The following AGAP4 variants were observed in gnomAD, a reference collection of about 807,000 sequenced individuals.
AGAP4 encodes ArfGAP with GTPase domain, ankyrin repeat and PH domain 4.
Under a neutral mutation model 60.7 loss-of-function variants are expected in AGAP4, and 13 were observed. The observed-to-expected ratio is 0.21, with a 90% confidence interval of 0.14 to 0.34. The LOEUF (loss-of-function observed/expected upper bound fraction) is 0.34, where lower values mean the gene tolerates loss of function less well. Ranked by LOEUF, AGAP4 falls within the 10% of genes least tolerant of loss-of-function variation. The pLI, the probability that AGAP4 is intolerant of heterozygous loss-of-function variation, is 1.00. For missense variants in AGAP4, 169 were observed against 884.0 expected (o/e 0.19, Z 10.26); for synonymous variants, 70 against 339.0 (o/e 0.21, Z 8.72).
chr10:45,837,629 T>G (rs2058842802), intron 4 of AGAP4, among the ~76,000 whole-genome samples: 1 of 151,910 alleles, frequency 6.6e-6, no homozygotes, highest in Non-Finnish European at 1.5e-5. Flanking sequence ...AGGTAAACCC[T>G]ATTCAACAAA....
intron 2 of AGAP4, among the ~76,000 whole-genome samples, chr10:45,844,812 A>G (rs1240326121): frequency 2.4e-4 from 35 of 146,224 alleles, no homozygotes; most frequent in Admixed American, 6.2e-4. Context: ...AGTTTTTAAA[A>G]TTTTTAAAAA....
At chr10:45,845,977 T>C (rs1284978408) in intron 2 of AGAP4, among the ~76,000 whole-genome samples, 4 of 105,380 alleles carry the variant, frequency 3.8e-5, no homozygotes, top group South Asian at 4.6e-4. Flanking sequence ...GGGGGAGCCA[T>C]GGCAACAAAC....
At chr10:45,844,641 A>T in intron 2 of AGAP4, 1 of 353,694 alleles carries the variant, frequency 2.8e-6, no homozygotes, top group South Asian at 7.2e-5. Context: ...CAGCATGAGT[A>T]ACATAATGAC....
At chr10:45,829,961 G>A (rs78708907) in intron 6 of AGAP4, among the ~76,000 whole-genome samples, 2 of 146,436 alleles carry the variant, frequency 1.4e-5, no homozygotes, top group Non-Finnish European at 3.0e-5. Flanking sequence ...ATGCAAGTAT[G>A]GAGCAAAAGA....
upstream of AGAP4, among the ~76,000 whole-genome samples, chr10:45,850,871 G>A (rs1472326772): frequency 6.6e-6 from 1 of 152,004 alleles, no homozygotes; most frequent in Non-Finnish European, 1.5e-5. Context: ...CTGGTCAAAA[G>A]TTGAATATAA....
At chr10:45,837,700 G>C (rs1156532043) in intron 4 of AGAP4, among the ~76,000 whole-genome samples, 1,899 of 148,182 alleles carry the variant, frequency 0.013, 13 homozygotes, top group East Asian at 0.035. Context: ...TCAACTCTCA[G>C]CTTACACAAA....
chr10:45,853,353 T>C, intron 1 of AGAP4, among the ~76,000 whole-genome samples: 1 of 151,380 alleles, frequency 6.6e-6, no homozygotes. Flanking sequence ...AATAACATCT[T>C]CTACAGTCTT....
At chr10:45,834,667 T>C (rs1240687901) in intron 4 of AGAP4, among the ~76,000 whole-genome samples, 2 of 33,960 alleles carry the variant, frequency 5.9e-5, no homozygotes, top group Non-Finnish European at 9.1e-5. Flanking sequence ...AAAGTGAGAC[T>C]CCGCCTCAAA....
intron 1 of AGAP4, 138 bp downstream of exon 1, chr10:45,846,986 CT>C: frequency 1.3e-6 from 2 of 1,595,148 alleles, no homozygotes; most frequent in Non-Finnish European, 1.7e-6. Context: ...GCAGAGCCAG[CT>C]TTTGTTCCTG....
chr10:45,832,391 T>C (rs1187138365), intron 5 of AGAP4, among the ~76,000 whole-genome samples: 1 of 149,848 alleles, frequency 6.7e-6, no homozygotes, highest in Non-Finnish European at 1.5e-5. Flanking sequence ...TAAACTCAAA[T>C]TAAGCAGTGG....
intron 4 of AGAP4, among the ~76,000 whole-genome samples, chr10:45,835,022 C>T (rs1362660982): frequency 1.4e-5 from 2 of 146,356 alleles, no homozygotes; most frequent in Non-Finnish European, 3.0e-5. Context: ...ATCTGCCTGC[C>T]TCAGCCTCCC....
At chr10:45,832,368 C>G (rs1341424212) in intron 5 of AGAP4, among the ~76,000 whole-genome samples, 1 of 149,894 alleles carries the variant, frequency 6.7e-6, no homozygotes, top group Non-Finnish European at 1.5e-5. Flanking sequence ...CAAATTGGAG[C>G]AGTTTCTCGT....
chr10:45,829,362 G>A (rs2058695041), intron 6 of AGAP4, among the ~76,000 whole-genome samples: 1 of 143,186 alleles, frequency 7.0e-6, no homozygotes, highest in Non-Finnish European at 1.5e-5. Flanking sequence ...AAGAATCCGT[G>A]ATTTAACTGT....
chr10:45,844,340 T>C lies in AGAP4; in HGVS notation c.347A>G (p.Asn116Ser), dbSNP rs1191805876. ...TGTCGTCTCACCATCTGTTTGAGAG[T>C]TCCTCTGGAATATTGTGCTTGCCTC... is the stretch of plus-strand genomic sequence containing the variant. The part of the protein sequence containing the change: ...NPEASTIFQR[N>S]SQTDVVEIRR... Residue 116 changes from asparagine to serine, a missense_variant, in exon 3 of 8, where the codon AAC becomes AGC. Transcript: ENST00000616763. 1 of 1,594,392 alleles carries C rather than the reference T, an allele frequency of 6.3e-7. No individual in the cohort carries two copies. The highest frequency in any genetic ancestry group is 8.5e-7 in the Non-Finnish European group (1 of 1,179,628).
At chr10:45,830,450 G>C (rs1353181141) in intron 6 of AGAP4, among the ~76,000 whole-genome samples, 3 of 119,030 alleles carry the variant, frequency 2.5e-5, no homozygotes, top group African/African-American at 9.7e-5. Context: ...GGGATTACAG[G>C]TGTGAACCAC....
At chr10:45,851,452 C>T (rs2573439), upstream of AGAP4, among the ~76,000 whole-genome samples, 629 of 151,892 alleles carry the variant, frequency 4.1e-3, 7 homozygotes, top group African/African-American at 0.014. Flanking sequence ...GCAGGAAAGC[C>T]ACAAATTAGC....
In AGAP4 at chr10:45,839,991, C is replaced by G. The variant is rs1554898496; in HGVS notation, c.396+1662G>C. On this transcript the variant is annotated intron_variant, in intron 4 of 7. Transcript: ENST00000616763. The stretch of plus-strand genomic sequence containing the variant: ...ATCAATGCAGGCGTACTGGTCTAAG[C>G]AGCCTAGCATCTGAATAACAAGACT... Among the ~76,000 whole-genome samples, 47 of 150,204 alleles carry G rather than the reference C, an allele frequency of 3.1e-4. 1 individual carries two copies. Among genetic ancestry groups the G allele is most frequent in the Non-Finnish European group, 8.9e-5 (6 of 67,704 alleles).
rs1392192009 is a variant in AGAP4, at chr10:45,847,465, C to A, written c.-118G>T. 3 of 1,531,270 alleles carry A rather than the reference C, an allele frequency of 2.0e-6. 1 individual carries two copies. Among genetic ancestry groups the A allele is most frequent in the Middle Eastern group, 4.6e-4 (2 of 4,330 alleles). 94.9% of individuals were successfully genotyped at this position (1,531,270 alleles called of 1,614,324 possible). A position where few individuals can be genotyped will look rare whatever the true frequency, so the allele number is the denominator to read the frequency against. On this transcript the variant is annotated 5_prime_UTR_variant, in exon 1 of 8. Coordinates refer to ENST00000616763, the MANE Select transcript of AGAP4 (RefSeq NM_001276343.3). Reference sequence around the variant, plus strand: ...GCAGAGATGGTCTTCCCGCTCCTCGCCTGCCCACCTCACAGCGCGGCCCCG... The same window carrying A: ...GCAGAGATGGTCTTCCCGCTCCTCGACTGCCCACCTCACAGCGCGGCCCCG...
intron 6 of AGAP4, among the ~76,000 whole-genome samples, chr10:45,828,714 G>C (rs1419493094): frequency 6.6e-5 from 1 of 15,070 alleles, no homozygotes; most frequent in Admixed American, 7.6e-4. Flanking sequence ...TTTTTTTTTT[G>C]AGACCAAGTT....
Sources: gnomAD v4.1 joint callset for allele counts (sites outside exome capture counted in the v4.1 genomes callset) on GRCh38, gnomAD v4.1.1 for gene constraint, MANE v1.5 for transcripts, NCBI Gene and HGNC (gene_info 2026-07-23, HGNC 2026-07-21) for gene names.